Variants in ZNF804A observed in about 807,000 individuals in gnomAD.
ZNF804A encodes the protein zinc finger protein 804A.
A neutral mutation model predicts 16.5 loss-of-function variants in ZNF804A; 2 were observed. The observed-to-expected ratio is 0.12, with a 90% CI of 0.05 to 0.38. The LOEUF is 0.38. Ranked by LOEUF, ZNF804A falls within the 10% of genes least tolerant of loss-of-function variation. ZNF804A has a pLI of 0.99. For synonymous variants in ZNF804A, 534 were observed against 489.6 expected (o/e 1.09, Z -1.20); for missense variants, 1,473 against 1,390.7 (o/e 1.06, Z -0.94).
intron 1 of ZNF804A, among the ~76,000 whole-genome samples, chr2:184,630,231 C>G (rs571800683): frequency 4.5e-4 from 68 of 152,124 alleles, no homozygotes; most frequent in Non-Finnish European, 8.1e-4. Flanking sequence ...GTCTTTTATA[C>G]CTAGATAAGA....
chr2:184,795,391 C>T (rs1393972733), intron 1 of ZNF804A, among the ~76,000 whole-genome samples: 1 of 151,934 alleles, frequency 6.6e-6, no homozygotes, highest in Non-Finnish European at 1.5e-5. Flanking sequence ...GTGACACAAC[C>T]TAGCAAAACC....
At chr2:184,804,029 A>AT (rs1306496276) in intron 1 of ZNF804A, among the ~76,000 whole-genome samples, 5 of 151,410 alleles carry the variant, frequency 3.3e-5, no homozygotes, top group African/African-American at 4.9e-5. Flanking sequence ...TGCCTGGCTA[A>AT]TTTTTTTTGT....
At chr2:184,712,100 G>T (rs1204947102) in intron 1 of ZNF804A, among the ~76,000 whole-genome samples, 3 of 151,732 alleles carry the variant, frequency 2.0e-5, no homozygotes, top group Admixed American at 2.0e-4. Flanking sequence ...CCACAAACAT[G>T]GGATGTCTTT....
At chr2:184,917,181 A>G (rs1296052052) in intron 2 of ZNF804A, among the ~76,000 whole-genome samples, 1 of 152,158 alleles carries the variant, frequency 6.6e-6, no homozygotes, top group Non-Finnish European at 1.5e-5. Flanking sequence ...TTCTAAGTTA[A>G]CCTGGCACCC....
chr2:184,935,760 C>T, intron 3 of ZNF804A, 23 bp from the exon 4 acceptor site: 1 of 1,546,672 alleles, frequency 6.5e-7, no homozygotes, highest in Non-Finnish European at 8.7e-7. Context: ...CTATTTAACA[C>T]ATGCTTCTGT....
rs141824264 is a variant in ZNF804A at position 184,833,056 on chromosome 2, T to C, written c.112-33313T>C. Among the ~76,000 whole-genome samples the C allele has an allele frequency of 2.2e-3, 328 of 152,144 alleles. 1 individual carries two copies. The highest frequency in any genetic ancestry group is 6.8e-3 in the Middle Eastern group (2 of 294). ...CAGGGCACATGCATACTTAATTTCATTAAATACTCTTAGAGAATTGCTTTC... is the reference window on the plus strand; with the variant it reads ...CAGGGCACATGCATACTTAATTTCACTAAATACTCTTAGAGAATTGCTTTC... On this transcript the variant is annotated intron_variant, in intron 1 of 3. Coordinates refer to ENST00000302277, the MANE Select transcript of ZNF804A (RefSeq NM_194250.2).
intron 1 of ZNF804A, among the ~76,000 whole-genome samples, chr2:184,752,671 T>C (rs984213753): frequency 3.3e-5 from 5 of 151,574 alleles, no homozygotes; most frequent in African/African-American, 9.7e-5. Flanking sequence ...TTGGAGAAAA[T>C]AGTTGCAAAT....
At chr2:184,713,560 A>G (rs762478065) in intron 1 of ZNF804A, among the ~76,000 whole-genome samples, 1 of 151,980 alleles carries the variant, frequency 6.6e-6, no homozygotes, top group Non-Finnish European at 1.5e-5. Flanking sequence ...TTTCCTCTCT[A>G]GATCACAAAG....
intron 2 of ZNF804A, among the ~76,000 whole-genome samples, chr2:184,928,179 C>T (rs1434276599): frequency 1.3e-5 from 2 of 152,106 alleles, no homozygotes; most frequent in Admixed American, 1.3e-4. Flanking sequence ...CCCAAGGGCT[C>T]TTCAGTTAGC....
chr2:184,818,808 A>G (rs1161429869), intron 1 of ZNF804A, among the ~76,000 whole-genome samples: 1 of 152,072 alleles, frequency 6.6e-6, no homozygotes, highest in Non-Finnish European at 1.5e-5. Flanking sequence ...AATAAAAAAG[A>G]CAAAGAAGGG....
At chr2:184,742,993 A>T (rs1420778393) in intron 1 of ZNF804A, among the ~76,000 whole-genome samples, 2 of 151,780 alleles carry the variant, frequency 1.3e-5, no homozygotes, top group African/African-American at 4.8e-5. Flanking sequence ...GAGTTTGAAG[A>T]TTTTTCTCTT....
At chr2:184,697,312 A>G (rs1334914725) in intron 1 of ZNF804A, among the ~76,000 whole-genome samples, 3 of 152,100 alleles carry the variant, frequency 2.0e-5, no homozygotes. Flanking sequence ...GAAGATGAGA[A>G]GCAGTTGAAC....
Position 184,936,390 on chromosome 2 carries a change from G to C in ZNF804A, c.994G>C (p.Ala332Pro), listed in dbSNP as rs770127371. 120 of 1,613,836 alleles carry C rather than the reference G, an allele frequency of 7.4e-5. No homozygotes were observed. Among genetic ancestry groups the C allele is most frequent in the Non-Finnish European group, 9.0e-5 (106 of 1,179,962 alleles). The change falls in exon 4 of 4, where the codon GCA (alanine) becomes CCA (proline). Residue 332 changes from alanine (A) to proline (P), a missense_variant. Coordinates refer to ENST00000302277, the MANE Select transcript of ZNF804A (RefSeq NM_194250.2). ...ADNCQNSVPLADQIPLESVVI... is the reference protein window; with the variant it reads ...ADNCQNSVPLPDQIPLESVVI... ...TAATTGTCAAAATTCAGTCCCATTA[G>C]CAGATCAAATACCACTAGAGAGTGT... is the stretch of plus-strand genomic sequence containing the variant.
chr2:184,828,507 C>A (rs1695208339), intron 1 of ZNF804A, among the ~76,000 whole-genome samples: 1 of 150,866 alleles, frequency 6.6e-6, no homozygotes, highest in Admixed American at 6.6e-5. Context: ...TTAAAATTTC[C>A]AAATTTTCCT....
chr2:184,740,756 T>G (rs543211348), intron 1 of ZNF804A, among the ~76,000 whole-genome samples: 1 of 152,262 alleles, frequency 6.6e-6, no homozygotes, highest in South Asian at 2.1e-4. Flanking sequence ...TTGAAAGTCA[T>G]GAAGTCGATA....
At chr2:184,765,283 T>G (rs562366546) in intron 1 of ZNF804A, among the ~76,000 whole-genome samples, 1 of 152,172 alleles carries the variant, frequency 6.6e-6, no homozygotes, top group African/African-American at 2.4e-5. Context: ...TGCTGCTAAG[T>G]CACACTACTA....
At chr2:184,838,532 A>G (rs890387374) in intron 1 of ZNF804A, among the ~76,000 whole-genome samples, 1 of 152,124 alleles carries the variant, frequency 6.6e-6, no homozygotes, top group Non-Finnish European at 1.5e-5. Flanking sequence ...TTTGCTAATT[A>G]AACTTTTCTT....
In ZNF804A at chr2:184,937,168, A is replaced by G; in HGVS notation, c.1772A>G (p.His591Arg). 1 of 1,601,470 alleles carries G rather than the reference A, an allele frequency of 6.2e-7. No homozygotes were observed. Among genetic ancestry groups the G allele is most frequent in the Non-Finnish European group, 8.5e-7 (1 of 1,177,076 alleles). The change falls in exon 4 of 4, where the codon CAT becomes CGT. Residue 591 changes from histidine (H) to arginine (R), a missense_variant. Transcript: ENST00000302277. The part of the protein sequence containing the change: ...RLKETHEYWF[H>R]KSRRKKKRKK... ...AAAGAGACCCATGAATACTGGTTCC[A>G]TAAAAGTAGAAGAAAGAAAAAAAGA...
chr2:184,838,087 T>G (rs1449977207), intron 1 of ZNF804A, among the ~76,000 whole-genome samples: 1 of 152,090 alleles, frequency 6.6e-6, no homozygotes, highest in Non-Finnish European at 1.5e-5. Flanking sequence ...TCAGGGGATA[T>G]TTGCAGGGTG....
Sources: gnomAD v4.1 joint callset for allele counts (sites outside exome capture counted in the v4.1 genomes callset) on GRCh38, gnomAD v4.1.1 for gene constraint, MANE v1.5 for transcripts, NCBI Gene and HGNC (gene_info 2026-07-23, HGNC 2026-07-21) for gene names.